The following ESR1 variants were observed in gnomAD, a reference collection of about 807,000 sequenced individuals.
ESR1 encodes estrogen receptor.
In ESR1, 12 loss-of-function variants were observed where a neutral mutation model predicts 52.7. The ratio of observed to expected loss-of-function variants is 0.23; its 90% CI spans 0.15 to 0.37. The LOEUF (loss-of-function observed/expected upper bound fraction) is 0.37, where lower values mean the gene tolerates loss of function less well. Ranked by LOEUF, ESR1 falls within the 10% of genes least tolerant of loss-of-function variation. ESR1 has a pLI of 1.00. For synonymous variants in ESR1, 305 were observed against 316.8 expected, an observed-to-expected ratio of 0.96 and a Z score of 0.39; for missense variants, 584 against 779.7, an observed-to-expected ratio of 0.75 and a Z score of 2.99.
rs1554231683 is a variant in ESR1 at position 151,669,147 on chromosome 6, G to GGGGAGAGAGA, written n.73+12385_73+12386insGGAGAGAGAG. Among the ~76,000 whole-genome samples the GGGGAGAGAGA allele has an allele frequency of 2.1e-3, 146 of 69,308 alleles. 8 individuals carry two copies. Among genetic ancestry groups the GGGGAGAGAGA allele is most frequent in the African/African-American group, 0.012 (142 of 11,980 alleles). 45.5% of individuals were successfully genotyped at this position (69,308 alleles called of 152,430 possible). On this transcript the variant is annotated intron_variant and non_coding_transcript_variant, in intron 1 of 2. Coordinates refer to the ESR1 transcript ENST00000473497. Reference sequence around the variant, plus strand: ...GTGGTAGGAAGCTCTTTGGGAGCTGGGAGAGAGAGAGAGAGAGAGAGAGAG... The same window carrying GGGGAGAGAGA: ...GTGGTAGGAAGCTCTTTGGGAGCTGGGGGAGAGAGAGAGAGAGAGAGAGAGAGAGAGAGAG...
chr6:151,822,905 T>C (rs934126505), intron 1 of ESR1, among the ~76,000 whole-genome samples: 9 of 152,198 alleles, frequency 5.9e-5, no homozygotes, highest in South Asian at 2.1e-4. Flanking sequence ...TGTCTCTTGA[T>C]GAGAAAAGCA....
intron 3 of ESR1, among the ~76,000 whole-genome samples, chr6:151,934,687 A>G (rs1169638432): frequency 6.6e-6 from 1 of 152,236 alleles, no homozygotes; most frequent in Non-Finnish European, 1.5e-5. Flanking sequence ...TTCAAGCACT[A>G]GAATCTATCA....
chr6:151,849,436 G>T (rs933294400), intron 2 of ESR1, among the ~76,000 whole-genome samples: 3 of 152,114 alleles, frequency 2.0e-5, no homozygotes, highest in African/African-American at 7.2e-5. Context: ...ACGAGGTCAG[G>T]AGTTCAAGAC....
rs1038192310 is a variant in ESR1 at position 152,094,270 on chromosome 6, G to A, written c.1370-115G>A. The A allele has an allele frequency of 1.1e-6, 1 of 892,176 alleles. No individual in the cohort carries two copies. The highest frequency in any genetic ancestry group is 1.9e-6 in the Non-Finnish European group (1 of 525,864). 55.3% of individuals were successfully genotyped at this position (892,176 alleles called of 1,614,324 possible). A position where few individuals can be genotyped will look rare whatever the true frequency, so the allele number is the denominator to read the frequency against. On this transcript the variant is annotated intron_variant, in intron 6 of 7. Coordinates refer to ENST00000206249, the MANE Select transcript of ESR1 (RefSeq NM_000125.4). This position sits in a 1 kb window ranked among gnomAD's most constrained non-coding sequence, Gnocchi z 4.6. ...TGGGTCCAGAGCATCCCCATTGCTA[G>A]ACTACTGTGCTGAGGAAGGGCACTG... is the stretch of plus-strand genomic sequence containing the variant.
chr6:151,672,116 A>G (rs1299039401), intron 1 of ESR1, among the ~76,000 whole-genome samples: 5 of 151,970 alleles, frequency 3.3e-5, no homozygotes, highest in African/African-American at 1.2e-4. Flanking sequence ...TGCAGGCGTG[A>G]GCCACTGCAC....
intron 6 of ESR1, among the ~76,000 whole-genome samples, chr6:152,065,681 C>T (rs189054331): frequency 1.2e-4 from 18 of 152,246 alleles, no homozygotes; most frequent in Non-Finnish European, 2.4e-4. Context: ...TCTCTTCAAC[C>T]GTAGGTCCTC....
intron 2 of ESR1, among the ~76,000 whole-genome samples, chr6:151,857,753 T>C (rs988966374): frequency 1.3e-5 from 2 of 152,076 alleles, no homozygotes; most frequent in African/African-American, 4.8e-5. Context: ...AGTCTCGAAC[T>C]CCTGACCTCA....
chr6:151,680,639 C>T (rs1344538569), intron 1 of ESR1, among the ~76,000 whole-genome samples: 4 of 152,148 alleles, frequency 2.6e-5, no homozygotes, highest in African/African-American at 9.7e-5. Context: ...CACTTCCTGT[C>T]GCCATCATAT....
chr6:151,777,948 G>A (rs943819289), intron 2 of ESR1, among the ~76,000 whole-genome samples: 5 of 151,842 alleles, frequency 3.3e-5, no homozygotes, highest in African/African-American at 7.3e-5. Flanking sequence ...GAACAAGAGC[G>A]AAACTCTGTC....
At chr6:152,026,514 T>C (rs1199228202) in intron 5 of ESR1, among the ~76,000 whole-genome samples, 1 of 152,014 alleles carries the variant, frequency 6.6e-6, no homozygotes, top group Admixed American at 6.6e-5. Context: ...TTTTACTTAT[T>C]AGTCAATCTG....
intron 1 of ESR1, among the ~76,000 whole-genome samples, chr6:151,699,627 C>T (rs1779618901): frequency 1.3e-5 from 2 of 152,130 alleles, no homozygotes; most frequent in Non-Finnish European, 2.9e-5. Flanking sequence ...AATTTCTTAT[C>T]ACTGACAGAC....
At chr6:151,988,684 G>A (rs1341682993) in intron 4 of ESR1, among the ~76,000 whole-genome samples, 1 of 151,960 alleles carries the variant, frequency 6.6e-6, no homozygotes, top group East Asian at 1.9e-4. Flanking sequence ...CATGACACAA[G>A]TTTACCTATG....
chr6:151,919,352 C>A (rs2031100793), intron 3 of ESR1, among the ~76,000 whole-genome samples: 1 of 151,778 alleles, frequency 6.6e-6, no homozygotes, highest in Admixed American at 6.6e-5. Flanking sequence ...TCTGGTTTTT[C>A]CTTTTTCATT....
chr6:152,043,459 C>T (rs987209489), intron 5 of ESR1, among the ~76,000 whole-genome samples: 14 of 152,134 alleles, frequency 9.2e-5, no homozygotes, highest in South Asian at 2.1e-4. Flanking sequence ...TGGAGTGTAG[C>T]GCACCTCCTT....
intron 2 of ESR1, among the ~76,000 whole-genome samples, chr6:151,761,157 T>C (rs2128096403): frequency 6.6e-6 from 1 of 151,552 alleles, no homozygotes; most frequent in South Asian, 2.1e-4. Context: ...CACATGGAAA[T>C]GTAGGTCAAA....
intron 3 of ESR1, among the ~76,000 whole-genome samples, chr6:151,915,245 G>T (rs1234481716): frequency 2.6e-5 from 4 of 151,644 alleles, no homozygotes; most frequent in African/African-American, 9.7e-5. Context: ...AAATTTCTCT[G>T]CATTCTCCCT....
intron 2 of ESR1, among the ~76,000 whole-genome samples, chr6:151,856,293 C>A (rs557783601): frequency 7.6e-4 from 115 of 152,298 alleles, no homozygotes; most frequent in African/African-American, 2.5e-3. Flanking sequence ...AGGGAAACAA[C>A]TAGTCCCAAG....
chr6:151,712,514 C>A (rs910912916), intron 2 of ESR1, among the ~76,000 whole-genome samples: 3 of 152,006 alleles, frequency 2.0e-5, no homozygotes, highest in Non-Finnish European at 4.4e-5. Context: ...TCTCGTTTTT[C>A]CTTGAGCAGT....
rs116038742 is a variant in ESR1, at chr6:151,776,499, A to G, written c.-70-31344A>G. On this transcript the variant is annotated intron_variant, in intron 2 of 2. Transcript: ENST00000404742. ...ACTACCAGGGAATTAGCTCTGCTGA[A>G]TGAGTCCTCACGCAGAGGCAGGGAT... 6.5e-3 allele frequency among the ~76,000 whole-genome samples: 996 copies of G among 152,310 alleles called. 15 individuals are homozygous for G. The highest frequency in any genetic ancestry group is 0.023 in the African/African-American group (958 of 41,572).
Sources: gnomAD v4.1 joint callset for allele counts (sites outside exome capture counted in the v4.1 genomes callset) on GRCh38, gnomAD v4.1.1 for gene constraint, Gnocchi (gnomAD v3.1) non-coding constraint, MANE v1.5 for transcripts, NCBI Gene and HGNC (gene_info 2026-07-23, HGNC 2026-07-21) for gene names.